ZNF69: variants seen among roughly 807,000 people sequenced by gnomAD.
The protein encoded by ZNF69 is zinc finger protein 69.
ZNF69 carries 47 observed loss-of-function variants against 50.9 expected under a neutral mutation model. The observed-to-expected ratio is 0.92, with a 90% CI of 0.73 to 1.18. The LOEUF is 1.18. Ranked by LOEUF, ZNF69 falls within the 50% of genes most tolerant of loss-of-function variation. The pLI, the probability that ZNF69 is intolerant of heterozygous loss-of-function variation, is 0.00. For synonymous variants in ZNF69, 216 were observed against 223.1 expected, an observed-to-expected ratio of 0.97 and a Z score of 0.29; for missense variants, 717 against 675.1, an observed-to-expected ratio of 1.06 and a Z score of -0.69.
chr19:11,927,728 T>C, the ZNF69 span, among the ~76,000 whole-genome samples: 2 of 152,206 alleles, frequency 1.3e-5, no homozygotes, highest in Non-Finnish European at 2.9e-5. Flanking sequence ...CATATTGTTA[T>C]AGGTATTGGG....
At chr19:11,978,063 T>C in the ZNF69 span, 1 of 1,577,200 alleles carries the variant, frequency 6.3e-7, no homozygotes, top group South Asian at 1.2e-5. Flanking sequence ...CAATACTTGA[T>C]TAATACAAAA....
the ZNF69 span, among the ~76,000 whole-genome samples, chr19:11,961,501 A>T: frequency 6.6e-6 from 1 of 152,204 alleles, no homozygotes; most frequent in African/African-American, 2.4e-5. Context: ...ATCTACCTGG[A>T]ATGTCTCCAA....
chr19:11,977,491 T>A, the ZNF69 span: 47 of 1,572,354 alleles, frequency 3.0e-5, no homozygotes, highest in Non-Finnish European at 4.1e-5. Context: ...TGATAATATG[T>A]TGAAGAGAAG....
the ZNF69 span, among the ~76,000 whole-genome samples, chr19:11,927,860 G>C: frequency 6.6e-6 from 1 of 152,186 alleles, no homozygotes; most frequent in African/African-American, 2.4e-5. Flanking sequence ...TTTCTTGTTA[G>C]TGTCAAGATG....
the ZNF69 span, among the ~76,000 whole-genome samples, chr19:11,963,417 T>A: frequency 2.6e-5 from 4 of 152,118 alleles, no homozygotes; most frequent in Non-Finnish European, 5.9e-5. Flanking sequence ...GTTGAAAGGT[T>A]TTTGCAATCT....
chr19:11,979,757 C>T, the ZNF69 span: 92 of 1,581,434 alleles, frequency 5.8e-5, no homozygotes, highest in Admixed American at 1.9e-4. Context: ...CCCACACCTT[C>T]GAATCCATGG....
the ZNF69 span, among the ~76,000 whole-genome samples, chr19:11,960,981 G>A: frequency 2.6e-5 from 4 of 151,978 alleles, no homozygotes; most frequent in African/African-American, 7.3e-5. Flanking sequence ...TACTCTCCTC[G>A]AAATATATAC....
chr19:11,899,605 G>C (rs1183516050), intron 1 of ZNF69, among the ~76,000 whole-genome samples: 2 of 152,172 alleles, frequency 1.3e-5, no homozygotes, highest in East Asian at 3.9e-4. Context: ...AGAACAGCCT[G>C]GTAGATACAG....
At chr19:11,929,033 G>A in the ZNF69 span, among the ~76,000 whole-genome samples, 1 of 148,476 alleles carries the variant, frequency 6.7e-6, no homozygotes, top group East Asian at 1.9e-4. Context: ...GAAAGAAGGC[G>A]AATCTGTAAT....
downstream of ZNF69, among the ~76,000 whole-genome samples, chr19:11,918,707 G>A (rs1289185988): frequency 1.3e-5 from 2 of 151,796 alleles, no homozygotes; most frequent in South Asian, 2.1e-4. Flanking sequence ...CTCTTGCCTC[G>A]GCCTCCCAAA....
chr19:11,898,565 AT>A (rs900860405), intron 1 of ZNF69, among the ~76,000 whole-genome samples: 33 of 151,932 alleles, frequency 2.2e-4, no homozygotes, highest in African/African-American at 7.2e-4. Flanking sequence ...TAATTTTTGT[AT>A]TTTTAGTAGA....
At chr19:11,960,325 T>C in the ZNF69 span, among the ~76,000 whole-genome samples, 1 of 152,250 alleles carries the variant, frequency 6.6e-6, no homozygotes, top group Non-Finnish European at 1.5e-5. Context: ...TCTCTTGTTT[T>C]CTTGTTTTTA....
chr19:11,913,399 T>A (rs1453998160), intron 4 of ZNF69: 1 of 605,266 alleles, frequency 1.7e-6, no homozygotes, highest in Non-Finnish European at 3.0e-6. Context: ...TTATCTTTTT[T>A]TTTTTCCAGA....
chr19:11,935,477 C>T, the ZNF69 span, among the ~76,000 whole-genome samples: 1 of 151,956 alleles, frequency 6.6e-6, no homozygotes, highest in Non-Finnish European at 1.5e-5. Flanking sequence ...GATGATCCAC[C>T]CACCTCAGCC....
the ZNF69 span, chr19:11,949,587 G>A: frequency 6.2e-7 from 1 of 1,611,990 alleles, no homozygotes; most frequent in Non-Finnish European, 8.5e-7. Flanking sequence ...ATTCTGCCAA[G>A]TCATTTCAAA....
At chr19:11,947,241 G>T in the ZNF69 span, 2 of 1,614,048 alleles carry the variant, frequency 1.2e-6, no homozygotes, top group Non-Finnish European at 1.7e-6. Context: ...GACATTGCTG[G>T]ATATTTCCCA....
At chr19:11,923,861 GTC>G in the ZNF69 span, among the ~76,000 whole-genome samples, 1 of 152,194 alleles carries the variant, frequency 6.6e-6, no homozygotes, top group East Asian at 1.9e-4. Flanking sequence ...GTTGAGGACA[GTC>G]TCTGCAGCCT....
the ZNF69 span, among the ~76,000 whole-genome samples, chr19:11,955,753 T>G: frequency 6.6e-6 from 1 of 152,214 alleles, no homozygotes; most frequent in Non-Finnish European, 1.5e-5. Context: ...CGGAAAAATA[T>G]CAGTCCTCCT....
At chr19:11,976,916 G>A in the ZNF69 span, 5 of 1,543,714 alleles carry the variant, frequency 3.2e-6, no homozygotes, top group Admixed American at 4.5e-5. Context: ...GCGAGAAAGG[G>A]ATGTGATGAC....
Sources: allele counts gnomAD v4.1 joint callset (sites outside exome capture counted in the v4.1 genomes callset), GRCh38; gene constraint gnomAD v4.1.1; transcripts MANE v1.5; gene names NCBI Gene and HGNC (gene_info 2026-07-23, HGNC 2026-07-21).